The following FSTL5 variants were observed in gnomAD, a reference collection of about 807,000 sequenced individuals.
FSTL5 encodes the protein follistatin-related protein 5.
In FSTL5, 62 loss-of-function variants were observed where a neutral mutation model predicts 89.1. The observed-to-expected ratio is 0.70, with a 90% CI of 0.57 to 0.86. The LOEUF is 0.86. Among genes scored for constraint, FSTL5 ranks in the 40% least tolerant of loss-of-function variants. FSTL5 has a pLI of 0.00. For synonymous variants in FSTL5, 383 were observed against 346.2 expected (o/e 1.11, Z -1.18); for missense variants, 1,057 against 1,001.6 (o/e 1.06, Z -0.75).
chr4:161,794,254 A>C (rs1023227088), intron 4 of FSTL5, among the ~76,000 whole-genome samples: 2 of 152,138 alleles, frequency 1.3e-5, no homozygotes, highest in Non-Finnish European at 2.9e-5. Flanking sequence ...TAGATGATTT[A>C]TATGTACAGC....
At chr4:161,435,660 T>C (rs1305361741) in intron 15 of FSTL5, among the ~76,000 whole-genome samples, 2 of 151,520 alleles carry the variant, frequency 1.3e-5, no homozygotes, top group Non-Finnish European at 2.9e-5. Context: ...TTATTATGCA[T>C]TGTATGAATG....
intron 4 of FSTL5, among the ~76,000 whole-genome samples, chr4:161,916,638 T>C (rs1733847611): frequency 6.6e-6 from 1 of 152,180 alleles, no homozygotes; most frequent in Admixed American, 6.6e-5. Context: ...TAAATGTGAA[T>C]AGGAATAAAT....
At chr4:161,768,196 G>C (rs1013959516) in intron 5 of FSTL5, among the ~76,000 whole-genome samples, 2 of 152,064 alleles carry the variant, frequency 1.3e-5, no homozygotes, top group Non-Finnish European at 2.9e-5. Context: ...CTAGCCTCTA[G>C]AACTTCAAAT....
chr4:162,089,730 C>T (rs1730470174), intron 2 of FSTL5, among the ~76,000 whole-genome samples: 1 of 151,752 alleles, frequency 6.6e-6, no homozygotes, highest in African/African-American at 2.4e-5. Context: ...TAAACTTCTG[C>T]CTACAGAACA....
chr4:161,395,548 G>T (rs893204843), intron 15 of FSTL5, among the ~76,000 whole-genome samples: 1 of 151,916 alleles, frequency 6.6e-6, no homozygotes, highest in Non-Finnish European at 1.5e-5. Context: ...TTTATAATTA[G>T]ATTGGCTGAT....
intron 7 of FSTL5, among the ~76,000 whole-genome samples, chr4:161,600,522 A>T (rs918439643): frequency 2.0e-5 from 3 of 152,176 alleles, no homozygotes; most frequent in Admixed American, 1.3e-4. Context: ...TTAGTAAAAA[A>T]ATCAAAGTAA....
intron 7 of FSTL5, among the ~76,000 whole-genome samples, chr4:161,592,842 C>A (rs953055472): frequency 6.6e-6 from 1 of 152,168 alleles, no homozygotes; most frequent in Non-Finnish European, 1.5e-5. Context: ...CTTGAGGAAT[C>A]GCCACACTGT....
intron 1 of FSTL5, among the ~76,000 whole-genome samples, chr4:162,125,325 T>A (rs1389800617): frequency 6.6e-6 from 1 of 151,088 alleles, no homozygotes; most frequent in African/African-American, 2.5e-5. Context: ...TTAAAAAATG[T>A]TATTGTATAT....
At chr4:161,972,566 C>A (rs1038102729) in intron 3 of FSTL5, among the ~76,000 whole-genome samples, 7 of 152,216 alleles carry the variant, frequency 4.6e-5, no homozygotes, top group South Asian at 2.1e-4. Context: ...GGAACCAAGG[C>A]CCCTAGTGGA....
chr4:161,848,474 T>C (rs1259187691), intron 4 of FSTL5, among the ~76,000 whole-genome samples: 1 of 152,198 alleles, frequency 6.6e-6, no homozygotes, highest in Non-Finnish European at 1.5e-5. Context: ...TTTTAAAAGA[T>C]GTTGATAAAC....
chr4:161,386,601 G>A, intron 15 of FSTL5, 152 bp from the exon 16 acceptor site: 1 of 594,240 alleles, frequency 1.7e-6, no homozygotes, highest in East Asian at 2.8e-5. Context: ...TTAATCTGTA[G>A]ATTGTGCCAC....
chr4:161,694,646 T>C (rs1738072585), intron 6 of FSTL5, among the ~76,000 whole-genome samples: 1 of 152,052 alleles, frequency 6.6e-6, no homozygotes, highest in Non-Finnish European at 1.5e-5. Context: ...AAAATGATTT[T>C]TGTTATTTTT....
chr4:161,728,483 TGAC>T (rs1275671794), intron 6 of FSTL5, among the ~76,000 whole-genome samples: 2 of 152,134 alleles, frequency 1.3e-5, no homozygotes, highest in African/African-American at 2.4e-5. Flanking sequence ...AAGGAAGTAA[TGAC>T]AGCATAGAGT....
At chr4:162,033,026 A>T (rs984306251) in intron 3 of FSTL5, among the ~76,000 whole-genome samples, 3 of 152,170 alleles carry the variant, frequency 2.0e-5, no homozygotes, top group African/African-American at 7.2e-5. Context: ...CATTATAATC[A>T]GCAGAAGCAC....
chr4:161,839,798 G>T (rs359121), intron 4 of FSTL5, among the ~76,000 whole-genome samples: 1 of 152,116 alleles, frequency 6.6e-6, no homozygotes, highest in Non-Finnish European at 1.5e-5. Context: ...ATTACATAGT[G>T]TATGCATTTG....
At chr4:161,518,481 G>GA (rs1186815365) in intron 10 of FSTL5, among the ~76,000 whole-genome samples, 3 of 152,146 alleles carry the variant, frequency 2.0e-5, no homozygotes, top group Non-Finnish European at 4.4e-5. Flanking sequence ...AGAAAAGTCG[G>GA]AAGTTGTCTA....
chr4:161,676,626 A>G lies in FSTL5; in HGVS notation c.728-20132T>C, dbSNP rs185326671. Among the ~76,000 whole-genome samples the G allele has an allele frequency of 1.5e-3, 229 of 152,184 alleles. 1 individual carries two copies. The highest frequency in any genetic ancestry group is 1.3e-3 in the Non-Finnish European group (89 of 67,992). ...ATGTTAACAAACCTGCACGTTCTGCATATGTATCCCAGAACTTAAAGTATA... is the reference window on the plus strand; with the variant it reads ...ATGTTAACAAACCTGCACGTTCTGCGTATGTATCCCAGAACTTAAAGTATA... On this transcript the variant is annotated intron_variant, in intron 6 of 15. Coordinates refer to ENST00000306100, the MANE Select transcript of FSTL5 (RefSeq NM_020116.5).
At chr4:161,942,027 T>G (rs1734602542) in intron 3 of FSTL5, among the ~76,000 whole-genome samples, 1 of 151,970 alleles carries the variant, frequency 6.6e-6, no homozygotes, top group Non-Finnish European at 1.5e-5. Flanking sequence ...TAACAACATA[T>G]TCTTAAACAA....
intron 6 of FSTL5, among the ~76,000 whole-genome samples, chr4:161,705,597 G>A (rs553346439): frequency 1.3e-5 from 2 of 151,360 alleles, no homozygotes; most frequent in South Asian, 2.1e-4. Flanking sequence ...TCTGAATTCC[G>A]GGTCAACTGC....
Sources: gnomAD v4.1 joint callset for allele counts (sites outside exome capture counted in the v4.1 genomes callset) on GRCh38, gnomAD v4.1.1 for gene constraint, MANE v1.5 for transcripts, NCBI Gene and HGNC (gene_info 2026-07-23, HGNC 2026-07-21) for gene names.